DCC: variants seen among roughly 807,000 people sequenced by gnomAD.
DCC encodes the protein DCC netrin 1 receptor.
Under a neutral mutation model 172.5 loss-of-function variants are expected in DCC, and 58 were observed. That is an observed-to-expected ratio of 0.34 (90% CI 0.27 to 0.42). The LOEUF is 0.42. DCC is among the 10% of genes least tolerant of loss of function. The pLI, the probability that DCC is intolerant of heterozygous loss-of-function variation, is 1.00. For missense variants in DCC, 1,740 were observed against 1,791.0 expected (o/e 0.97, Z 0.51); for synonymous variants, 709 against 644.5 (o/e 1.10, Z -1.52).
At chr18:52,618,414 G>A (rs183493714) in intron 1 of DCC, among the ~76,000 whole-genome samples, 31 of 152,122 alleles carry the variant, frequency 2.0e-4, no homozygotes, top group Non-Finnish European at 2.8e-4. Context: ...CCTCTTTATC[G>A]TATTTAACCA....
intron 1 of DCC, among the ~76,000 whole-genome samples, chr18:52,503,962 A>G (rs1214600868): frequency 6.6e-6 from 1 of 152,158 alleles, no homozygotes; most frequent in Non-Finnish European, 1.5e-5. Context: ...TGTATGCCAT[A>G]AATGCTTCAA....
intron 26 of DCC, 119 bp downstream of exon 26, chr18:53,487,077 A>G: frequency 7.6e-7 from 1 of 1,319,810 alleles, no homozygotes; most frequent in African/African-American, 1.5e-5. Context: ...TGACTGTGGT[A>G]CTAGAATGTT....
At position 52,415,056 on chromosome 18, in the gene DCC, T is replaced by C. The variant is rs956109721; in HGVS notation, c.91+74178T>C. On this transcript the variant is annotated intron_variant, in intron 1 of 28. Coordinates refer to ENST00000442544, the MANE Select transcript of DCC (RefSeq NM_005215.4). ...GCTAAAAGACTGACATGGGCTTCCC[T>C]GAATGCTTTGTATGACTTTGCCAGA... Among the ~76,000 whole-genome samples the C allele has an allele frequency of 4.0e-4, 61 of 152,244 alleles. 1 individual carries two copies. Among genetic ancestry groups the C allele is most frequent in the Non-Finnish European group, 7.2e-4 (49 of 68,040 alleles).
At chr18:52,374,684 A>G (rs1209930146) in intron 1 of DCC, among the ~76,000 whole-genome samples, 1 of 152,194 alleles carries the variant, frequency 6.6e-6, no homozygotes, top group African/African-American at 2.4e-5. Context: ...ATGTACAATA[A>G]CATAATATCA....
At chr18:52,879,411 G>GTTTTTTTTTTTTTT (rs1568164319) in intron 2 of DCC, among the ~76,000 whole-genome samples, 1 of 44,958 alleles carries the variant, frequency 2.2e-5, no homozygotes, top group African/African-American at 8.2e-5. Context: ...ATGTTGTTTG[G>GTTTTTTTTTTTTTT]CTTTTTTTTT....
intron 22 of DCC, among the ~76,000 whole-genome samples, chr18:53,449,436 C>A (rs1405917557): frequency 6.6e-6 from 1 of 152,198 alleles, no homozygotes; most frequent in South Asian, 2.1e-4. Context: ...GGTACTGAGG[C>A]AATTCAGGAA....
intron 1 of DCC, among the ~76,000 whole-genome samples, chr18:52,615,561 A>G (rs1200841834): frequency 6.6e-6 from 1 of 152,176 alleles, no homozygotes. Context: ...ATCTTTTTGT[A>G]CAAGCCAGGG....
chr18:53,355,030 G>A (rs1306100987), intron 15 of DCC, among the ~76,000 whole-genome samples: 2 of 151,938 alleles, frequency 1.3e-5, no homozygotes, highest in East Asian at 3.9e-4. Context: ...ATTAAATAGG[G>A]AATCCTTTCC....
chr18:53,200,315 T>A (rs542355902), intron 9 of DCC, among the ~76,000 whole-genome samples: 22 of 152,336 alleles, frequency 1.4e-4, no homozygotes, highest in African/African-American at 5.0e-4. Context: ...AAGAAAACAC[T>A]CTTTTCTGAT....
intron 1 of DCC, among the ~76,000 whole-genome samples, chr18:52,448,312 C>G (rs1383884806): frequency 6.6e-6 from 1 of 152,162 alleles, no homozygotes; most frequent in Non-Finnish European, 1.5e-5. Context: ...AATTGTCTTC[C>G]ACGAATTCGG....
At chr18:52,557,344 T>C (rs959350380) in intron 1 of DCC, among the ~76,000 whole-genome samples, 8 of 152,210 alleles carry the variant, frequency 5.3e-5, no homozygotes, top group Non-Finnish European at 1.0e-4. Context: ...ATAAATCTAT[T>C]ATGTAAAGTA....
At chr18:52,409,127 C>T (rs1359939690) in intron 1 of DCC, 2 of 152,262 alleles carry the variant, frequency 1.3e-5, no homozygotes, top group East Asian at 3.9e-4. Flanking sequence ...AGCTGACTTA[C>T]AACAGCAGTT....
At chr18:52,812,203 A>G (rs189980266) in intron 2 of DCC, among the ~76,000 whole-genome samples, 178 of 152,338 alleles carry the variant, frequency 1.2e-3, no homozygotes, top group African/African-American at 4.2e-3. Context: ...TAGCATTTAT[A>G]ATTCACCTCA....
chr18:52,775,261 T>C (rs899066278), intron 2 of DCC, among the ~76,000 whole-genome samples: 2 of 152,110 alleles, frequency 1.3e-5, no homozygotes, highest in Non-Finnish European at 2.9e-5. Context: ...GGGCAGGCTA[T>C]GGGGTTCCAA....
chr18:53,083,838 T>C (rs1404021715), intron 7 of DCC, among the ~76,000 whole-genome samples: 1 of 152,158 alleles, frequency 6.6e-6, no homozygotes, highest in Admixed American at 6.6e-5. Flanking sequence ...AAAATAATTG[T>C]TTACAGCCTT....
intron 5 of DCC, 101 bp downstream of exon 5, chr18:52,925,471 G>A (rs1467636765): frequency 4.7e-6 from 6 of 1,276,330 alleles, no homozygotes; most frequent in Non-Finnish European, 6.8e-6. Flanking sequence ...GTTTATTAGT[G>A]TGAAATTGCA....
At chr18:52,471,504 G>A (rs965748655) in intron 1 of DCC, among the ~76,000 whole-genome samples, 5 of 152,102 alleles carry the variant, frequency 3.3e-5, no homozygotes, top group South Asian at 2.1e-4. Flanking sequence ...ACATTCTATC[G>A]ACTTAGGTAA....
Position 52,783,323 on chromosome 18 carries a change from CTTTTTTT to C in DCC, c.412+30981_412+30987del, listed in dbSNP as rs374129823. On this transcript the variant is annotated intron_variant, in intron 2 of 28. Coordinates refer to ENST00000442544, the MANE Select transcript of DCC (RefSeq NM_005215.4). ...ACTAAAAATAATTTATACTACTACT[CTTTTTTT>C]TTTTTTTTTTTTTTTTTTTTTTTTT... Among the ~76,000 whole-genome samples, 318 of 59,116 alleles carry C rather than the reference CTTTTTTT, an allele frequency of 5.4e-3. 5 individuals carry two copies. Among genetic ancestry groups the C allele is most frequent in the African/African-American group, 0.023 (286 of 12,358 alleles). 38.8% of individuals were successfully genotyped at this position (59,116 alleles called of 152,430 possible).
chr18:52,444,431 A>G (rs1051971105), intron 1 of DCC, among the ~76,000 whole-genome samples: 1 of 152,214 alleles, frequency 6.6e-6, no homozygotes, highest in African/African-American at 2.4e-5. Flanking sequence ...CTAAAAACAA[A>G]CAATAGTAAA....
Sources: allele counts gnomAD v4.1 joint callset (sites outside exome capture counted in the v4.1 genomes callset), GRCh38; gene constraint gnomAD v4.1.1; transcripts MANE v1.5; gene names NCBI Gene and HGNC (gene_info 2026-07-23, HGNC 2026-07-21).